The following DAB1 variants were observed in gnomAD, a reference collection of about 807,000 sequenced individuals.
The protein encoded by DAB1 is DAB adaptor protein 1.
In DAB1, 15 loss-of-function variants were observed where a neutral mutation model predicts 64.6. That is an observed-to-expected ratio of 0.23 (90% CI 0.16 to 0.36). DAB1 has a LOEUF of 0.36. DAB1 is among the 10% of genes least tolerant of loss of function. The pLI, the probability that DAB1 is intolerant of heterozygous loss-of-function variation, is 1.00. For synonymous variants in DAB1, 235 were observed against 251.9 expected (o/e 0.93, Z 0.64); for missense variants, 596 against 706.7 (o/e 0.84, Z 1.78).
chr1:57,310,485 G>A lies in DAB1; in HGVS notation c.-136-19319C>T, dbSNP rs138755142. On this transcript the variant is annotated intron_variant, in intron 1 of 14. Transcript: ENST00000371236. ...GTGGATACCAGAGCTGGGCCCTAGA[G>A]ATGGAAAGTATGGCAGAGTCCTCGC... is the stretch of plus-strand genomic sequence containing the variant. Among the ~76,000 whole-genome samples the A allele has an allele frequency of 5.9e-5, 9 of 152,244 alleles. No homozygotes were observed. The East Asian group carries it at 1.7e-3, about 30-fold the overall frequency.
At chr1:57,659,974 C>G (rs1287201013) in intron 6 of DAB1, among the ~76,000 whole-genome samples, 1 of 81,230 alleles carries the variant, frequency 1.2e-5, no homozygotes, top group Admixed American at 1.4e-4. Flanking sequence ...AAGGCTCTCT[C>G]TCAAAAATAA....
chr1:57,536,311 A>T (rs1306818248), intron 7 of DAB1, among the ~76,000 whole-genome samples: 2 of 152,242 alleles, frequency 1.3e-5, no homozygotes, highest in Admixed American at 1.3e-4. Context: ...CTAGTGCCAA[A>T]AAAGCAGGAC....
At chr1:57,865,651 C>T (rs1328503187) in intron 1 of DAB1, among the ~76,000 whole-genome samples, 6 of 152,200 alleles carry the variant, frequency 3.9e-5, no homozygotes, top group Admixed American at 3.9e-4. Flanking sequence ...CTCATCATCA[C>T]CTCACTATCC....
chr1:58,224,280 C>G (rs1479314790), intron 4 of DAB1, among the ~76,000 whole-genome samples: 1 of 152,140 alleles, frequency 6.6e-6, no homozygotes, highest in East Asian at 1.9e-4. Context: ...GTGTCTAGCA[C>G]AAGAGCTTAA....
intron 7 of DAB1, among the ~76,000 whole-genome samples, chr1:57,578,977 C>A (rs527746318): frequency 1.1e-4 from 16 of 152,266 alleles, no homozygotes; most frequent in African/African-American, 3.6e-4. Context: ...ATTCAAAGCT[C>A]CAGCTACTTT....
chr1:58,219,009 CTCTCTCTCTCTCTCTCTGTG>C (rs1474399138), intron 4 of DAB1, among the ~76,000 whole-genome samples: 2 of 119,466 alleles, frequency 1.7e-5, no homozygotes, highest in Non-Finnish European at 3.5e-5. Flanking sequence ...CTCTCTCTCT[CTCTCTCTCTCTCTCTCTGTG>C]TGTGTGTGTG....
At chr1:57,124,382 G>T (rs1446000900) in intron 4 of DAB1, among the ~76,000 whole-genome samples, 2 of 152,034 alleles carry the variant, frequency 1.3e-5, no homozygotes, top group Non-Finnish European at 2.9e-5. Context: ...ATGAGATGAT[G>T]CATCTCAGTA....
intron 1 of DAB1, among the ~76,000 whole-genome samples, chr1:57,850,723 A>C (rs1398672774): frequency 1.3e-5 from 2 of 152,114 alleles, no homozygotes; most frequent in Non-Finnish European, 2.9e-5. Flanking sequence ...CTGACACTCA[A>C]ATGCCTGCCT....
chr1:57,913,414 C>T (rs950992320), intron 5 of DAB1, among the ~76,000 whole-genome samples: 4 of 152,174 alleles, frequency 2.6e-5, no homozygotes, highest in Admixed American at 2.0e-4. Flanking sequence ...CAACTGGATC[C>T]CTTCCTTACA....
At chr1:57,872,393 G>A (rs1643968269) in intron 1 of DAB1, among the ~76,000 whole-genome samples, 1 of 152,166 alleles carries the variant, frequency 6.6e-6, no homozygotes, top group African/African-American at 2.4e-5. Context: ...GTATATCTAT[G>A]AACCAGGAAG....
chr1:57,983,533 G>T (rs1261432001), intron 5 of DAB1, among the ~76,000 whole-genome samples: 1 of 152,120 alleles, frequency 6.6e-6, no homozygotes, highest in African/African-American at 2.4e-5. Flanking sequence ...TAGCTCTCCT[G>T]CAGCCAGGAA....
intron 7 of DAB1, among the ~76,000 whole-genome samples, chr1:57,568,386 A>G (rs1182042227): frequency 1.4e-4 from 21 of 152,348 alleles, no homozygotes; most frequent in Admixed American, 1.4e-3. Context: ...CATGTCTAAA[A>G]CACCAAAAGC....
At chr1:58,017,141 C>A (rs578038465) in intron 5 of DAB1, among the ~76,000 whole-genome samples, 1 of 151,976 alleles carries the variant, frequency 6.6e-6, no homozygotes. Flanking sequence ...ATTGTTCATC[C>A]TTGCATGGGG....
At chr1:57,621,851 T>G (rs1341871478) in intron 7 of DAB1, among the ~76,000 whole-genome samples, 1 of 152,204 alleles carries the variant, frequency 6.6e-6, no homozygotes, top group Non-Finnish European at 1.5e-5. Flanking sequence ...CTGAGATATT[T>G]TTTGAACTAA....
chr1:57,706,713 C>T (rs967958305), intron 6 of DAB1, among the ~76,000 whole-genome samples: 3 of 152,042 alleles, frequency 2.0e-5, no homozygotes, highest in African/African-American at 7.2e-5. Flanking sequence ...GAAATTTGTG[C>T]ACTAGGTGTA....
chr1:58,363,458 G>A (rs895644377), intron 3 of DAB1, among the ~76,000 whole-genome samples: 1 of 152,154 alleles, frequency 6.6e-6, no homozygotes, highest in African/African-American at 2.4e-5. Flanking sequence ...TTAATGGGGA[G>A]GGAATAACGG....
chr1:57,834,556 G>A (rs2101907885), intron 1 of DAB1, among the ~76,000 whole-genome samples: 1 of 151,852 alleles, frequency 6.6e-6, no homozygotes, highest in South Asian at 2.1e-4. Flanking sequence ...TCTGTGAAGG[G>A]AATATATATA....
In DAB1 at chr1:57,116,461, C is replaced by CA. The variant is rs61590002; in HGVS notation, c.306+20081dup. On this transcript the variant is annotated intron_variant, in intron 4 of 14. Transcript: ENST00000371236. ...TGGGCAATAGAGTGAGACTCTGTCT[C>CA]AAAAAAAAAAAAAAAAAAAAAAGAA... is the stretch of plus-strand genomic sequence containing the variant. Among the ~76,000 whole-genome samples the CA allele has an allele frequency of 6.0e-3, 430 of 71,950 alleles. 13 individuals carry two copies. Among genetic ancestry groups the CA allele is most frequent in the Non-Finnish European group, 6.7e-3 (261 of 38,986 alleles). The allele number at this position is 71,950 out of a possible 152,430, so 47.2% of individuals were successfully genotyped here. A position where few individuals can be genotyped will look rare whatever the true frequency, so the allele number is the denominator to read the frequency against.
intron 2 of DAB1, among the ~76,000 whole-genome samples, chr1:57,177,830 A>C (rs1357662452): frequency 2.0e-5 from 3 of 152,200 alleles, no homozygotes; most frequent in Non-Finnish European, 4.4e-5. Context: ...AAGCTATATC[A>C]GATCTTTGGA....
Sources: gnomAD v4.1 joint callset for allele counts (sites outside exome capture counted in the v4.1 genomes callset) on GRCh38, gnomAD v4.1.1 for gene constraint, MANE v1.5 for transcripts, NCBI Gene and HGNC (gene_info 2026-07-23, HGNC 2026-07-21) for gene names.